KANSL1: variants seen among roughly 807,000 people sequenced by gnomAD.
The protein encoded by KANSL1 is MLL1/MLL complex subunit KANSL1.
Under a neutral mutation model 103.6 loss-of-function variants are expected in KANSL1, and 22 were observed. The observed-to-expected ratio is 0.21, with a 90% CI of 0.15 to 0.30. The LOEUF (loss-of-function observed/expected upper bound fraction) is 0.30. Ranked by LOEUF, KANSL1 falls within the 10% of genes least tolerant of loss-of-function variation. The pLI is 1.00. For missense variants in KANSL1, 1,337 were observed against 1,399.8 expected (o/e 0.96, Z 0.72); for synonymous variants, 600 against 527.6 (o/e 1.14, Z -1.88).
At chr17:46,063,004 C>T (rs1398423686) in intron 6 of KANSL1, among the ~76,000 whole-genome samples, 4 of 152,102 alleles carry the variant, frequency 2.6e-5, no homozygotes, top group South Asian at 2.1e-4. Context: ...GAGCCGAGAT[C>T]GCACCATTGC....
At chr17:46,134,160 G>A (rs1436715298) in intron 2 of KANSL1, among the ~76,000 whole-genome samples, 1 of 152,176 alleles carries the variant, frequency 6.6e-6, no homozygotes, top group Non-Finnish European at 1.5e-5. Context: ...CACTTTGGGA[G>A]GCTGAGGCAG....
chr17:46,196,349 T>C (rs962715350), upstream of KANSL1: 7 of 456,244 alleles, frequency 1.5e-5, no homozygotes, highest in African/African-American at 1.2e-4. Flanking sequence ...ACCCATTCTC[T>C]TTGCCAATGA....
intron 1 of KANSL1, among the ~76,000 whole-genome samples, chr17:46,213,466 AAT>A (rs2048232926): frequency 8.3e-5 from 12 of 145,442 alleles, no homozygotes; most frequent in Non-Finnish European, 1.6e-4. Context: ...ACGCCCGGCT[AAT>A]TTTTTTTTTT....
chr17:46,128,389 C>A (rs972576131), intron 2 of KANSL1, among the ~76,000 whole-genome samples: 8 of 152,000 alleles, frequency 5.3e-5, no homozygotes, highest in Non-Finnish European at 7.4e-5. Flanking sequence ...GTGAACAAGG[C>A]AAAGCCCCTA....
At chr17:46,175,474 C>G (rs997455727) in intron 1 of KANSL1, among the ~76,000 whole-genome samples, 1 of 152,040 alleles carries the variant, frequency 6.6e-6, no homozygotes, top group African/African-American at 2.4e-5. Flanking sequence ...TTCAGCCTCC[C>G]GAGTAGCTGG....
At chr17:46,158,039 T>C (rs373196021) in intron 2 of KANSL1, among the ~76,000 whole-genome samples, 1 of 152,268 alleles carries the variant, frequency 6.6e-6, no homozygotes, top group Non-Finnish European at 1.5e-5. Context: ...CCAGATCTTT[T>C]TGTTATTGGA....
At chr17:46,178,893 T>C (rs1295908963) in intron 1 of KANSL1, among the ~76,000 whole-genome samples, 13 of 152,230 alleles carry the variant, frequency 8.5e-5, no homozygotes, top group Non-Finnish European at 1.8e-4. Flanking sequence ...CTAGGGTCCC[T>C]TCCTATGTTA....
chr17:46,033,239 AGAACCAGT>A (rs1224172387), intron 12 of KANSL1, 47 bp from the exon 13 acceptor site: 1 of 1,503,754 alleles, frequency 6.7e-7, no homozygotes. Flanking sequence ...CCAGGAGTTA[AGAACCAGT>A]CCCACCCCAT....
In KANSL1 at chr17:46,031,041, T is replaced by C. The variant is rs2146294794; in HGVS notation, c.*435A>G. ...GGCCACAGCAGAGCCAAGCCACAGA[T>C]GGGAGGGGAGGGGGTAAGAGTCCAG... On this transcript the variant is annotated 3_prime_UTR_variant, in exon 15 of 15. Coordinates refer to ENST00000432791, the MANE Select transcript of KANSL1 (RefSeq NM_015443.4). The C allele has an allele frequency of 6.1e-6, 1 of 164,544 alleles. No homozygotes were observed. Among genetic ancestry groups the C allele is most frequent in the South Asian group, 1.8e-4 (1 of 5,472 alleles). The allele number at this position is 164,544 out of a possible 1,614,324, so 10.2% of individuals were successfully genotyped here.
At chr17:46,100,793 C>T (rs2042279999) in intron 2 of KANSL1, among the ~76,000 whole-genome samples, 1 of 152,224 alleles carries the variant, frequency 6.6e-6, no homozygotes, top group Admixed American at 6.5e-5. Context: ...GATTATGCTT[C>T]TCTTCCCTGA....
At chr17:46,213,371 G>A (rs1444958120) in intron 1 of KANSL1, among the ~76,000 whole-genome samples, 2 of 152,084 alleles carry the variant, frequency 1.3e-5, no homozygotes, top group Non-Finnish European at 2.9e-5. Flanking sequence ...CGTGATCTCA[G>A]CTCACTGCAA....
chr17:46,058,845 G>C (rs1384609121), intron 6 of KANSL1, among the ~76,000 whole-genome samples: 1 of 151,226 alleles, frequency 6.6e-6, no homozygotes, highest in Non-Finnish European at 1.5e-5. Flanking sequence ...TAAGATTCCA[G>C]AGAGGAAAAG....
At chr17:46,052,315 C>T (rs577242792) in intron 6 of KANSL1, among the ~76,000 whole-genome samples, 1 of 152,308 alleles carries the variant, frequency 6.6e-6, no homozygotes, top group South Asian at 2.1e-4. Context: ...CATTTAACAA[C>T]ACTACATTTT....
chr17:46,093,525 A>G (rs890639376), intron 3 of KANSL1: 14 of 152,776 alleles, frequency 9.2e-5, no homozygotes, highest in South Asian at 2.1e-4. Flanking sequence ...GAAAGAAGCT[A>G]TAAGTCCGCA....
At chr17:46,064,678 A>G (rs528070139) in intron 6 of KANSL1, among the ~76,000 whole-genome samples, 2 of 151,744 alleles carry the variant, frequency 1.3e-5, no homozygotes, top group African/African-American at 2.4e-5. Context: ...TTCACATACC[A>G]CACTCTCTTG....
chr17:46,169,264 A>C (rs1362112410), intron 2 of KANSL1, among the ~76,000 whole-genome samples: 14 of 152,390 alleles, frequency 9.2e-5, no homozygotes, highest in Middle Eastern at 3.4e-3. Flanking sequence ...GTTACGGAAG[A>C]AGCAAGCCTC....
upstream of KANSL1, among the ~76,000 whole-genome samples, chr17:46,197,681 T>C (rs2047659282): frequency 6.6e-6 from 1 of 152,256 alleles, no homozygotes; most frequent in Non-Finnish European, 1.5e-5. Context: ...GGCACTACAT[T>C]ACCCTTGGTT....
intron 3 of KANSL1, among the ~76,000 whole-genome samples, 192 bp from the exon 4 acceptor site, chr17:46,082,734 G>A (rs1360522981): frequency 6.6e-6 from 1 of 151,902 alleles, no homozygotes; most frequent in Admixed American, 6.6e-5. Flanking sequence ...GCAGACCCAG[G>A]CTCCCCTCTC....
chr17:46,142,019 G>A (rs1228578517), intron 2 of KANSL1, among the ~76,000 whole-genome samples: 8 of 152,174 alleles, frequency 5.3e-5, no homozygotes, highest in Non-Finnish European at 1.2e-4. Context: ...CTCCCGAGCA[G>A]CTGGGATTAC....
Sources: allele counts gnomAD v4.1 joint callset (sites outside exome capture counted in the v4.1 genomes callset), GRCh38; gene constraint gnomAD v4.1.1; transcripts MANE v1.5; gene names NCBI Gene and HGNC (gene_info 2026-07-23, HGNC 2026-07-21).